Variants in UQCR11 observed in about 807,000 individuals in gnomAD.
UQCR11 encodes the protein cytochrome b-c1 complex subunit 10.
In UQCR11, 10 loss-of-function variants were observed where a neutral mutation model predicts 7.6. That is an observed-to-expected ratio of 1.31 (90% CI 0.81 to 2.22). The LOEUF (loss-of-function observed/expected upper bound fraction) is 2.22, where lower values mean the gene tolerates loss of function less well. Among genes scored for constraint, UQCR11 ranks in the 30% most tolerant of loss-of-function variants. UQCR11 has a pLI of 0.00. For synonymous variants in UQCR11, 34 were observed against 34.9 expected (o/e 0.97, Z 0.09); for missense variants, 86 against 75.1 (o/e 1.15, Z -0.54).
Position 1,600,417 on chromosome 19 carries a change from G to A in UQCR11, c.51-857C>T, listed in dbSNP as rs1288992334. 3.3e-5 allele frequency among the ~76,000 whole-genome samples: 5 copies of A among 152,072 alleles called. No individual in the cohort carries two copies. The East Asian group carries it at 9.7e-4, about 29-fold the overall frequency. On this transcript the variant is annotated intron_variant, in intron 1 of 2. Coordinates refer to ENST00000591899, the MANE Select transcript of UQCR11 (RefSeq NM_006830.4). ...TTTAGTAGAGATGGGGTTTCACCGT[G>A]TTAGCCAGGATGGTCTCAATCTCCT...
chr19:1,602,307 A>T (rs2060749619), intron 1 of UQCR11: 1 of 152,132 alleles, frequency 6.6e-6, no homozygotes, highest in Non-Finnish European at 1.5e-5. Context: ...AGACTCTCCA[A>T]GTGTAGGCCA....
chr19:1,602,540 C>A (rs189308115), intron 1 of UQCR11: 1 of 152,308 alleles, frequency 6.6e-6, no homozygotes, highest in African/African-American at 2.4e-5. Context: ...CAACCCCCGC[C>A]TCCCAGGTTC....
intron 2 of UQCR11, among the ~76,000 whole-genome samples, chr19:1,598,544 CAAAAAA>C (rs869275138): frequency 8.4e-6 from 1 of 118,938 alleles, no homozygotes; most frequent in Non-Finnish European, 1.8e-5. Flanking sequence ...AACTCTGTCT[CAAAAAA>C]AAAAAAAAAA....
chr19:1,601,688 C>T (rs918524151), intron 1 of UQCR11, among the ~76,000 whole-genome samples: 1 of 152,064 alleles, frequency 6.6e-6, no homozygotes, highest in Non-Finnish European at 1.5e-5. Flanking sequence ...GTCACACCCT[C>T]GGATGAGACT....
chr19:1,599,257 C>T, intron 2 of UQCR11, 155 bp downstream of exon 2: 2 of 1,013,350 alleles, frequency 2.0e-6, no homozygotes, highest in Non-Finnish European at 2.8e-6. Context: ...GCCGGAGATG[C>T]CAGAAGGGGC....
At chr19:1,601,331 G>A (rs2060746489) in intron 1 of UQCR11, among the ~76,000 whole-genome samples, 1 of 152,182 alleles carries the variant, frequency 6.6e-6, no homozygotes, top group Non-Finnish European at 1.5e-5. Flanking sequence ...GGCCGGGCAT[G>A]GTGGCTCACG....
chr19:1,605,361 A>G lies in UQCR11; in HGVS notation c.49T>C (p.Trp17Arg). 6.3e-7 allele frequency: 1 copy of G among 1,579,108 alleles called. No individual in the cohort carries two copies. Among genetic ancestry groups the G allele is most frequent in the Non-Finnish European group, 8.6e-7 (1 of 1,167,080 alleles). The change falls in exon 1 of 3, where the codon TGG becomes CGG. Residue 17 changes from tryptophan to arginine, a missense_variant and splice_region_variant. Trp to Arg is a moderately radical substitution (Grantham distance 101). Coordinates refer to ENST00000591899, the MANE Select transcript of UQCR11 (RefSeq NM_006830.4). The stretch of plus-strand genomic sequence containing the variant: ...GGGGCCGCGGGTCGGCGTCCTCACC[A>G]GTTCTTGACCAGCTCCCGGTAGCGT... ...GPRYRELVKNWVPTAYTWGAV... is the reference protein window; with the variant it reads ...GPRYRELVKNRVPTAYTWGAV...
intron 1 of UQCR11, among the ~76,000 whole-genome samples, chr19:1,600,209 CTTTTTTTTT>C (rs751453784): frequency 8.2e-6 from 1 of 121,350 alleles, no homozygotes; most frequent in African/African-American, 3.0e-5. Context: ...GCACAGGCTT[CTTTTTTTTT>C]TTTTTTTTTT....
At chr19:1,602,980 A>G (rs1288831637) in intron 1 of UQCR11, among the ~76,000 whole-genome samples, 1 of 152,180 alleles carries the variant, frequency 6.6e-6, no homozygotes, top group Non-Finnish European at 1.5e-5. Flanking sequence ...AGCAAGCCCC[A>G]GCAGGGCCTA....
intron 2 of UQCR11, among the ~76,000 whole-genome samples, chr19:1,598,593 C>T (rs1220710452): frequency 1.3e-5 from 2 of 152,100 alleles, no homozygotes; most frequent in African/African-American, 4.8e-5. Context: ...CACCTGTAGT[C>T]CCAGCTACTT....
At chr19:1,603,220 C>T (rs1358010872) in intron 1 of UQCR11, among the ~76,000 whole-genome samples, 2 of 152,316 alleles carry the variant, frequency 1.3e-5, no homozygotes, top group South Asian at 2.1e-4. Flanking sequence ...CCACAGGTCT[C>T]GTTTCTTTAC....
In UQCR11 at chr19:1,597,725, C is replaced by T. The variant is rs188497474; in HGVS notation, c.*519G>A. The T allele has an allele frequency of 6.6e-6, 1 of 152,362 alleles. No individual in the cohort carries two copies. Among genetic ancestry groups the T allele is most frequent in the East Asian group, 1.9e-4 (1 of 5,192 alleles). The allele number at this position is 152,362 out of a possible 1,614,324, so 9.4% of individuals were successfully genotyped here. A position where few individuals can be genotyped will look rare whatever the true frequency, so the allele number is the denominator to read the frequency against. ...CAGACGAAGTGGCCTTGGCTGATGT[C>T]TTAACTGCAACCTCATGAGAGACTC... On this transcript the variant is annotated 3_prime_UTR_variant, in exon 3 of 3. Transcript: ENST00000591899.
chr19:1,604,794 G>T (rs528162683), intron 1 of UQCR11, among the ~76,000 whole-genome samples: 5 of 151,746 alleles, frequency 3.3e-5, no homozygotes, highest in African/African-American at 1.2e-4. Flanking sequence ...CTCACAAAGC[G>T]CTGGGATCAC....
Position 1,599,417 on chromosome 19 carries a change from C to T in UQCR11, c.*23G>A, listed in dbSNP as rs753875056. ...CGCAGCCCACTGAAACTTACCAGAG[C>T]AGTCTGTGAAGGGTTTGTGTAATTA... is the stretch of plus-strand genomic sequence containing the variant. On this transcript the variant is annotated 3_prime_UTR_variant, in exon 2 of 3. Transcript: ENST00000591899. 18 of 1,612,906 alleles carry T rather than the reference C, an allele frequency of 1.1e-5. No individual in the cohort carries two copies. The South Asian group carries it at 2.0e-4, about 18-fold the overall frequency.
At chr19:1,599,616 C>A in intron 1 of UQCR11, 56 bp from the exon 2 acceptor site, 1 of 1,592,334 alleles carries the variant, frequency 6.3e-7, no homozygotes, top group Non-Finnish European at 8.5e-7. Context: ...CCAAGACCCT[C>A]TCCTGCCCAC....
At chr19:1,601,797 C>T (rs1366880203) in intron 1 of UQCR11, among the ~76,000 whole-genome samples, 1 of 152,064 alleles carries the variant, frequency 6.6e-6, no homozygotes, top group African/African-American at 2.4e-5. Flanking sequence ...TTTGGGAGAC[C>T]ATTTCTTATG....
rs538780050 is a variant in UQCR11, at chr19:1,599,500, A to G, written c.111T>C (p.Asp37=). The G allele has an allele frequency of 1.2e-6, 2 of 1,613,644 alleles. No individual in the cohort carries two copies. Among genetic ancestry groups the G allele is most frequent in the Non-Finnish European group, 8.5e-7 (1 of 1,180,004 alleles). Residue 37 remains aspartate, a synonymous_variant, in exon 2 of 3, where the codon GAT becomes GAC. Coordinates refer to ENST00000591899, the MANE Select transcript of UQCR11 (RefSeq NM_006830.4). Reference sequence around the variant, plus strand: ...GTACCCAGTCCAGGATCAGCCGCCAATCGGTGGCCCACACCAGCCCCACGG... The same window carrying G: ...GTACCCAGTCCAGGATCAGCCGCCAGTCGGTGGCCCACACCAGCCCCACGG... The part of the protein sequence containing the change: ...VGAVGLVWAT[D]WRLILDWVPY...
chr19:1,602,099 T>A (rs1202180405), intron 1 of UQCR11: 1 of 152,078 alleles, frequency 6.6e-6, no homozygotes, highest in African/African-American at 2.4e-5. Flanking sequence ...TAGGTCGAGG[T>A]TGCAGTGAGC....
At position 1,599,324 on chromosome 19, in the gene UQCR11, G is replaced by A. The variant is rs372933694; in HGVS notation, c.*28+88C>T. 57 of 1,527,054 alleles carry A rather than the reference G, an allele frequency of 3.7e-5. No homozygotes were observed. In the East Asian group the frequency reaches 5.0e-4, roughly 13 times the overall value. 94.6% of individuals were successfully genotyped at this position (1,527,054 alleles called of 1,614,324 possible). On this transcript the variant is annotated intron_variant, in intron 2 of 2. Coordinates refer to ENST00000591899, the MANE Select transcript of UQCR11 (RefSeq NM_006830.4). Reference sequence around the variant, plus strand: ...TCCAGGGGGAGCAGTGAGGGCTGCCGCCCCGGCTCTGGGAGCCTGGAGAAC... The same window carrying A: ...TCCAGGGGGAGCAGTGAGGGCTGCCACCCCGGCTCTGGGAGCCTGGAGAAC...
Sources: allele counts gnomAD v4.1 joint callset (sites outside exome capture counted in the v4.1 genomes callset), GRCh38; gene constraint gnomAD v4.1.1; transcripts MANE v1.5; gene names NCBI Gene and HGNC (gene_info 2026-07-23, HGNC 2026-07-21).